Variants in ARHGEF10 observed in about 807,000 individuals in gnomAD.
ARHGEF10 encodes the protein Rho guanine nucleotide exchange factor 10.
ARHGEF10 carries 140 observed loss-of-function variants against 147.4 expected under a neutral mutation model. The ratio of observed to expected loss-of-function variants is 0.95; its 90% CI spans 0.83 to 1.09. The LOEUF (loss-of-function observed/expected upper bound fraction) is 1.09, where lower values mean the gene tolerates loss of function less well. Ranked by LOEUF, ARHGEF10 falls within the 50% of genes least tolerant of loss-of-function variation. The probability of loss-of-function intolerance (pLI) is 0.00; values close to 1 mark genes in which losing one functional copy is unlikely to be tolerated. For missense variants in ARHGEF10, 2,222 were observed against 1,752.7 expected (o/e 1.27, Z -4.78); for synonymous variants, 902 against 695.8 (o/e 1.30, Z -4.67).
rs376608548 is a variant in ARHGEF10, at chr8:1,894,502, A to G, written c.1370A>G (p.Gln457Arg). The change falls in exon 13 of 29, where the codon CAG (glutamine) becomes CGG (arginine). Residue 457 changes from glutamine (Q) to arginine (R), a missense_variant. Gln to Arg is a conservative substitution (Grantham distance 43, BLOSUM62 1). Transcript: ENST00000349830. ...KEILQCHSLF[Q>R]IALASRVSEW... ...ATCCTGCAGTGCCACTCGCTATTTC[A>G]GATCGCGCTGGCCAGCCGCGTTTCC... 6.2e-7 allele frequency: 1 copy of G among 1,614,102 alleles called. No individual in the cohort carries two copies. Among genetic ancestry groups the G allele is most frequent in the East Asian group, 2.2e-5 (1 of 44,892 alleles).
At chr8:1,841,619 T>G (rs150781741) in intron 1 of ARHGEF10, among the ~76,000 whole-genome samples, 1 of 151,918 alleles carries the variant, frequency 6.6e-6, no homozygotes, top group East Asian at 2.0e-4. Flanking sequence ...GGCGTGGTTG[T>G]GGCTCGTCTG....
chr8:1,873,570 G>A (rs1286423480), intron 7 of ARHGEF10, among the ~76,000 whole-genome samples: 11 of 136,286 alleles, frequency 8.1e-5, no homozygotes, highest in Admixed American at 7.3e-4. Context: ...GAGGTGCCGC[G>A]GGGTAGTGCA....
chr8:1,837,806 T>C (rs1803679709), intron 1 of ARHGEF10, among the ~76,000 whole-genome samples: 1 of 152,144 alleles, frequency 6.6e-6, no homozygotes, highest in Non-Finnish European at 1.5e-5. Context: ...GTATTACTAA[T>C]GTTGGGCAGG....
At position 1,888,888 on chromosome 8, in the gene ARHGEF10, G is replaced by A. The variant is rs561727232; in HGVS notation, c.1182+3181G>A. 5.1e-4 allele frequency among the ~76,000 whole-genome samples: 68 copies of A among 134,352 alleles called. 1 individual carries two copies. Among genetic ancestry groups the A allele is most frequent in the African/African-American group, 2.3e-3 (65 of 28,372 alleles). The allele number at this position is 134,352 out of a possible 152,430, so 88.1% of individuals were successfully genotyped here. On this transcript the variant is annotated intron_variant, in intron 11 of 28. Transcript: ENST00000349830. ...CTGAGTGGGGTGAGAGTTATGAGGA[G>A]ACACTGAGTTGGGTGAGGGTTGTGA...
chr8:1,824,435 G>T (rs1019612860), intron 1 of ARHGEF10, among the ~76,000 whole-genome samples: 2 of 151,972 alleles, frequency 1.3e-5, no homozygotes. Flanking sequence ...AGCTGGCTTC[G>T]CCTGGGGGGT....
At chr8:1,847,737 C>A (rs902223077) in intron 2 of ARHGEF10, among the ~76,000 whole-genome samples, 2 of 152,140 alleles carry the variant, frequency 1.3e-5, no homozygotes, top group African/African-American at 4.8e-5. Context: ...CAGCCTGGTG[C>A]TTTTTAAAGG....
Position 1,925,334 on chromosome 8 carries a change from T to G in ARHGEF10, c.2540T>G (p.Ile847Ser). 1 of 1,614,064 alleles carries G rather than the reference T, an allele frequency of 6.2e-7. No homozygotes were observed. The highest frequency in any genetic ancestry group is 1.7e-5 in the Admixed American group (1 of 60,010). ...WFCVEDDGNH[I>S]KKEKHPLLVG... ...TGTGTGGAAGACGATGGGAATCACA[T>G]TAAAAAGGAGAAGCATCCTCTCCTC... is the stretch of plus-strand genomic sequence containing the variant. The change falls in exon 22 of 29, where the codon ATT becomes AGT. Residue 847 changes from isoleucine to serine, a missense_variant. Physicochemically the swap from Ile to Ser is moderately radical, Grantham distance 142 (BLOSUM62 -2). Transcript: ENST00000349830.
intron 17 of ARHGEF10, among the ~76,000 whole-genome samples, chr8:1,907,729 C>T (rs1811016344): frequency 6.6e-6 from 1 of 152,186 alleles, no homozygotes; most frequent in South Asian, 2.1e-4. Flanking sequence ...TCCCACGATG[C>T]CAGGGCTTGA....
Position 1,869,442 on chromosome 8 carries a change from C to T in ARHGEF10, c.679+192C>T. 7.2e-6 allele frequency: 5 copies of T among 698,656 alleles called. No homozygotes were observed. The South Asian group carries it at 7.5e-5, about 10-fold the overall frequency. The allele number at this position is 698,656 out of a possible 1,614,324, so 43.3% of individuals were successfully genotyped here. A position where few individuals can be genotyped will look rare whatever the true frequency, so the allele number is the denominator to read the frequency against. On this transcript the variant is annotated intron_variant, in intron 7 of 28. Transcript: ENST00000349830. ...CACATATGTGTGTGTGCTTATAACC[C>T]TTGAAATAGGGCAGTTTAATCTTAC...
chr8:1,828,545 T>G (rs371329788), intron 1 of ARHGEF10, among the ~76,000 whole-genome samples: 9 of 143,956 alleles, frequency 6.3e-5, no homozygotes, highest in East Asian at 2.1e-4. Context: ...GCACACTTAC[T>G]GTTTTAAGGA....
chr8:1,929,369 G>A lies in ARHGEF10; in HGVS notation c.3005G>A (p.Ser1002Asn), dbSNP rs1812930776. Residue 1002 changes from serine (S) to asparagine (N), a missense_variant, in exon 25 of 29, where the codon AGC becomes AAC. Ser to Asn is a conservative substitution (Grantham distance 46). Transcript: ENST00000349830. ...ACTCCTGAGAAGTCCACAGTCATGAGCCTGGCTTGCACGTCTCAGAGCCTG... is the reference window on the plus strand; with the variant it reads ...ACTCCTGAGAAGTCCACAGTCATGAACCTGGCTTGCACGTCTCAGAGCCTG... The part of the protein sequence containing the change: ...FFTPEKSTVM[S>N]LACTSQSLYA... 6.2e-7 allele frequency: 1 copy of A among 1,613,714 alleles called. No homozygotes were observed. Among genetic ancestry groups the A allele is most frequent in the Admixed American group, 1.7e-5 (1 of 60,014 alleles).
At position 1,880,038 on chromosome 8, in the gene ARHGEF10, T is replaced by G; in HGVS notation, c.844-10T>G. 1 of 1,581,656 alleles carries G rather than the reference T, an allele frequency of 6.3e-7. No individual in the cohort carries two copies. Among genetic ancestry groups the G allele is most frequent in the Non-Finnish European group, 8.7e-7 (1 of 1,150,290 alleles). On this transcript the variant is annotated splice_polypyrimidine_tract_variant and intron_variant, in intron 8 of 28. Transcript: ENST00000349830. ...TTTTTGTGAAAAGACTGTGTCTCTT[T>G]ATGCTGTAGCTTTCTCATGACCTAA...
chr8:1,856,886 C>G (rs1805594277), intron 2 of ARHGEF10, among the ~76,000 whole-genome samples: 1 of 152,168 alleles, frequency 6.6e-6, no homozygotes, highest in South Asian at 2.1e-4. Context: ...GGCTGGGTTC[C>G]TCTCGCTCCT....
chr8:1,876,523 A>T, intron 7 of ARHGEF10, 48 bp from the exon 8 acceptor site: 1 of 1,579,672 alleles, frequency 6.3e-7, no homozygotes, highest in Admixed American at 1.7e-5. Context: ...AAAACAGCCC[A>T]CATGGAATTC....
chr8:1,891,526 T>C (rs186194147), intron 11 of ARHGEF10, among the ~76,000 whole-genome samples: 69 of 152,294 alleles, frequency 4.5e-4, no homozygotes, highest in Admixed American at 1.0e-3. Context: ...GGTGAGGACA[T>C]GAGGAAGGTC....
chr8:1,864,702 G>C (rs1250325761), intron 5 of ARHGEF10, among the ~76,000 whole-genome samples: 1 of 152,222 alleles, frequency 6.6e-6, no homozygotes, highest in African/African-American at 2.4e-5. Context: ...CGGCCCTGCT[G>C]TTGCTTTCCC....
At position 1,945,794 on chromosome 8, in the gene ARHGEF10, C is replaced by T. The variant is rs910035172; in HGVS notation, c.3397+139C>T. On this transcript the variant is annotated intron_variant, in intron 27 of 28. Transcript: ENST00000349830. ...CATGCTGCCAGGTAATGGGGTGGGACAAGGCCCAGGGACAGACGTGGGAGT... is the reference window on the plus strand; with the variant it reads ...CATGCTGCCAGGTAATGGGGTGGGATAAGGCCCAGGGACAGACGTGGGAGT... 1.8e-5 allele frequency: 24 copies of T among 1,312,986 alleles called. No homozygotes were observed. In the African/African-American group the frequency reaches 2.3e-4, roughly 13 times the overall value. The allele number at this position is 1,312,986 out of a possible 1,614,324, so 81.3% of individuals were successfully genotyped here. A position where few individuals can be genotyped will look rare whatever the true frequency, so the allele number is the denominator to read the frequency against.
At chr8:1,891,974 A>G (rs762845689) in intron 11 of ARHGEF10, among the ~76,000 whole-genome samples, 4 of 149,178 alleles carry the variant, frequency 2.7e-5, no homozygotes, top group Non-Finnish European at 5.9e-5. Flanking sequence ...TAAATAATAC[A>G]TATACATAAT....
chr8:1,847,573 CTCTGGGGGCAGCTTTGTT>C (rs1563169631), intron 2 of ARHGEF10, among the ~76,000 whole-genome samples: 1 of 152,126 alleles, frequency 6.6e-6, no homozygotes, highest in East Asian at 1.9e-4. Context: ...CTGGCATCGT[CTCTGGGGGCAGCTTTGTT>C]TCTGGGGGCA....
Sources: gnomAD v4.1 joint callset for allele counts (sites outside exome capture counted in the v4.1 genomes callset) on GRCh38, gnomAD v4.1.1 for gene constraint, MANE v1.5 for transcripts, NCBI Gene and HGNC (gene_info 2026-07-23, HGNC 2026-07-21) for gene names.